Variants in WDFY4 observed in about 807,000 individuals in gnomAD.
WDFY4 encodes WD repeat- and FYVE domain-containing protein 4.
A neutral mutation model predicts 351.9 loss-of-function variants in WDFY4; 169 were observed. The ratio of observed to expected loss-of-function variants is 0.48; its 90% CI spans 0.42 to 0.55. The LOEUF (loss-of-function observed/expected upper bound fraction) is 0.55, where lower values mean the gene tolerates loss of function less well. Ranked by LOEUF, WDFY4 falls within the 20% of genes least tolerant of loss-of-function variation. WDFY4 has a pLI of 0.00. For missense variants in WDFY4, 3,803 were observed against 3,935.6 expected, an observed-to-expected ratio of 0.97 and a Z score of 0.90; for synonymous variants, 1,622 against 1,574.6, an observed-to-expected ratio of 1.03 and a Z score of -0.71.
chr10:48,950,502 G>C (rs1841271448), intron 51 of WDFY4, among the ~76,000 whole-genome samples: 1 of 152,114 alleles, frequency 6.6e-6, no homozygotes, highest in African/African-American at 2.4e-5. Context: ...GTGCCTCCTT[G>C]GACCCTCACA....
At chr10:48,913,681 T>C (rs1282308382) in intron 47 of WDFY4, 4 of 1,613,392 alleles carry the variant, frequency 2.5e-6, no homozygotes, top group Non-Finnish European at 3.4e-6. Flanking sequence ...CTCACGGGGA[T>C]GTTGTTCAGT....
chr10:48,968,624 G>A (rs1842193392), intron 55 of WDFY4: 3 of 183,168 alleles, frequency 1.6e-5, no homozygotes, highest in Admixed American at 1.6e-4. Context: ...ACCAGGCTCT[G>A]TGCCAGGGGA....
chr10:48,884,783 T>A (rs964975343), intron 43 of WDFY4, among the ~76,000 whole-genome samples: 1 of 152,174 alleles, frequency 6.6e-6, no homozygotes, highest in Non-Finnish European at 1.5e-5. Flanking sequence ...CAGGAACCGT[T>A]TCTCTGGTGT....
intron 24 of WDFY4, among the ~76,000 whole-genome samples, chr10:48,796,935 T>C (rs1051205436): frequency 2.0e-5 from 3 of 152,132 alleles, no homozygotes; most frequent in African/African-American, 7.2e-5. Flanking sequence ...AACCCATTCA[T>C]GAAGCATCAT....
chr10:48,699,129 G>T (rs931571330), intron 1 of WDFY4, among the ~76,000 whole-genome samples: 1 of 152,228 alleles, frequency 6.6e-6, no homozygotes, highest in Admixed American at 6.5e-5. Context: ...GGGAGGTGAG[G>T]TCTGGGAGGT....
intron 47 of WDFY4, among the ~76,000 whole-genome samples, chr10:48,903,181 G>A (rs1057443586): frequency 6.6e-6 from 1 of 152,298 alleles, no homozygotes; most frequent in East Asian, 1.9e-4. Flanking sequence ...GAAGAGCAAG[G>A]CATGGCTGAG....
chr10:48,946,805 GC>G, intron 50 of WDFY4, 54 bp from the exon 51 acceptor site: 4 of 1,315,060 alleles, frequency 3.0e-6, no homozygotes, highest in Non-Finnish European at 4.3e-6. Context: ...ACACATATCT[GC>G]CACGTGTGAG....
chr10:48,775,477 A>T (rs1302672491), intron 14 of WDFY4, among the ~76,000 whole-genome samples: 2 of 152,202 alleles, frequency 1.3e-5, no homozygotes, highest in Non-Finnish European at 2.9e-5. Flanking sequence ...TTACTTTGTG[A>T]CATTATTTTT....
chr10:48,882,322 A>T (rs1459798085), intron 43 of WDFY4, among the ~76,000 whole-genome samples: 1 of 152,204 alleles, frequency 6.6e-6, no homozygotes, highest in East Asian at 1.9e-4. Flanking sequence ...GGCACAGGGC[A>T]AAGTGCATAG....
chr10:48,796,225 T>C lies in WDFY4; in HGVS notation c.4258-73T>C, dbSNP rs997207227. On this transcript the variant is annotated intron_variant, in intron 23 of 61. Coordinates refer to ENST00000325239, the MANE Select transcript of WDFY4 (RefSeq NM_001394531.1). The stretch of plus-strand genomic sequence containing the variant: ...AGAGCAGAAGGTTTGCAGACTGGAC[T>C]GGGACAAGTGGGTGAAGGGGAAATC... The C allele has an allele frequency of 2.0e-6, 3 of 1,484,190 alleles. No homozygotes were observed. In the Admixed American group the frequency reaches 6.6e-5, roughly 33 times the overall value. The allele number at this position is 1,484,190 out of a possible 1,614,324, so 91.9% of individuals were successfully genotyped here.
At chr10:48,812,659 C>T (rs1183280112) in intron 30 of WDFY4, among the ~76,000 whole-genome samples, 1 of 152,188 alleles carries the variant, frequency 6.6e-6, no homozygotes, top group Non-Finnish European at 1.5e-5. Flanking sequence ...GGCCACATTT[C>T]TCCAAAGAGG....
intron 47 of WDFY4, chr10:48,910,287 C>G (rs1365145809): frequency 6.2e-7 from 1 of 1,610,786 alleles, no homozygotes; most frequent in Admixed American, 1.7e-5. Context: ...GAAGGTGAGG[C>G]AATTGCTCCA....
intron 26 of WDFY4, 60 bp downstream of exon 26, chr10:48,805,481 G>C: frequency 6.6e-7 from 1 of 1,518,126 alleles, no homozygotes; most frequent in South Asian, 1.2e-5. Context: ...AAAAAGGGAG[G>C]ACAGACCCCA....
intron 1 of WDFY4, among the ~76,000 whole-genome samples, chr10:48,692,142 C>G (rs1565095939): frequency 6.6e-6 from 1 of 152,200 alleles, no homozygotes; most frequent in Admixed American, 6.5e-5. Context: ...GTGGTCTCAG[C>G]CTTCGAGTGG....
intron 39 of WDFY4, among the ~76,000 whole-genome samples, chr10:48,840,344 C>T (rs1248939813): frequency 6.6e-6 from 1 of 151,730 alleles, no homozygotes; most frequent in African/African-American, 2.4e-5. Context: ...GCTCCATTAT[C>T]CTTTTAGGTT....
rs370039477 is a variant in WDFY4, at chr10:48,709,124, C to CTGTCTGTG, written c.-17-590_-17-589insTCTGTGTG. On this transcript the variant is annotated intron_variant, in intron 1 of 61. Transcript: ENST00000325239. Reference sequence around the variant, plus strand: ...ACCTAGAGAGAATAAGAGCACACATCTGGCCGGGCGCGGTGGCTCACGCCT... The same window carrying CTGTCTGTG: ...ACCTAGAGAGAATAAGAGCACACATCTGTCTGTGTGGCCGGGCGCGGTGGCTCACGCCT... 1.1e-3 allele frequency among the ~76,000 whole-genome samples: 9 copies of CTGTCTGTG among 7,878 alleles called. 3 individuals are homozygous for CTGTCTGTG. Among genetic ancestry groups the CTGTCTGTG allele is most frequent in the South Asian group, 0.5 (2 of 4 alleles). The allele number at this position is 7,878 out of a possible 152,430, so 5.2% of individuals were successfully genotyped here. A position where few individuals can be genotyped will look rare whatever the true frequency, so the allele number is the denominator to read the frequency against.
chr10:48,839,108 T>A (rs2068509725), intron 39 of WDFY4, among the ~76,000 whole-genome samples: 2 of 152,344 alleles, frequency 1.3e-5, no homozygotes, highest in East Asian at 3.9e-4. Context: ...GCCTCAGATT[T>A]CACTTCCCTG....
intron 13 of WDFY4, among the ~76,000 whole-genome samples, chr10:48,763,539 T>C (rs1042436398): frequency 1.3e-5 from 2 of 152,330 alleles, no homozygotes; most frequent in East Asian, 3.9e-4. Context: ...AAAAATCCAC[T>C]GCGGCCTCTT....
intron 12 of WDFY4, among the ~76,000 whole-genome samples, chr10:48,745,339 A>G (rs2064977098): frequency 6.6e-6 from 1 of 152,154 alleles, no homozygotes; most frequent in Non-Finnish European, 1.5e-5. Flanking sequence ...ATGGCCCTCA[A>G]TGTAGTCCCT....
Sources: gnomAD v4.1 joint callset for allele counts (sites outside exome capture counted in the v4.1 genomes callset) on GRCh38, gnomAD v4.1.1 for gene constraint, MANE v1.5 for transcripts, NCBI Gene and HGNC (gene_info 2026-07-23, HGNC 2026-07-21) for gene names.